KIZ: variants seen among roughly 807,000 people sequenced by gnomAD.
KIZ encodes the protein centrosomal protein kizuna.
A neutral mutation model predicts 79.6 loss-of-function variants in KIZ; 68 were observed. The ratio of observed to expected loss-of-function variants is 0.85; its 90% CI spans 0.70 to 1.05. KIZ has a LOEUF of 1.05. Among genes scored for constraint, KIZ ranks in the 50% least tolerant of loss-of-function variants. The pLI, the probability that KIZ is intolerant of heterozygous loss-of-function variation, is 0.00. For synonymous variants in KIZ, 280 were observed against 281.8 expected (o/e 0.99, Z 0.06); for missense variants, 797 against 800.4 (o/e 1.00, Z 0.05).
At chr20:21,173,394 A>G (rs1275202901) in intron 6 of KIZ, among the ~76,000 whole-genome samples, 1 of 146,038 alleles carries the variant, frequency 6.8e-6, no homozygotes, top group African/African-American at 2.8e-5. Flanking sequence ...CCTGGCCAAC[A>G]TGGTGAAACC....
intron 1 of KIZ, among the ~76,000 whole-genome samples, chr20:21,128,769 G>T (rs551745195): frequency 2.0e-5 from 3 of 152,256 alleles, no homozygotes; most frequent in Admixed American, 1.3e-4. Flanking sequence ...TTTTAAAAGG[G>T]CCCATTAGCC....
At chr20:21,156,585 CTT>C (rs1333129169) in intron 4 of KIZ, among the ~76,000 whole-genome samples, 3 of 152,016 alleles carry the variant, frequency 2.0e-5, no homozygotes, top group African/African-American at 7.2e-5. Context: ...TAATAAATGA[CTT>C]TGTTACTGGC....
chr20:21,179,215 T>G (rs1391086200), intron 6 of KIZ, among the ~76,000 whole-genome samples: 7 of 150,924 alleles, frequency 4.6e-5, no homozygotes, highest in East Asian at 1.9e-4. Context: ...TTTTGTTTTT[T>G]TTTTTTTTTT....
At chr20:21,242,031 C>G (rs576946170) in intron 11 of KIZ, among the ~76,000 whole-genome samples, 1 of 152,232 alleles carries the variant, frequency 6.6e-6, no homozygotes, top group South Asian at 2.1e-4. Context: ...TAGTGAAGTT[C>G]GCTTGTTCAT....
chr20:21,200,640 C>A (rs972527127), intron 6 of KIZ, among the ~76,000 whole-genome samples: 8 of 151,986 alleles, frequency 5.3e-5, no homozygotes, highest in African/African-American at 1.5e-4. Context: ...AATGCTCCCC[C>A]TGATCTGACA....
intron 7 of KIZ, 27 bp downstream of exon 7, chr20:21,205,611 TC>T: frequency 2.0e-6 from 2 of 997,580 alleles, no homozygotes; most frequent in Admixed American, 2.2e-5. Context: ...TCTGAAGTTT[TC>T]CCAATCACAA....
intron 4 of KIZ, among the ~76,000 whole-genome samples, chr20:21,155,680 T>C (rs2033346829): frequency 6.6e-6 from 1 of 152,358 alleles, no homozygotes; most frequent in South Asian, 2.1e-4. Flanking sequence ...ATAAGTTTTA[T>C]GGTATGTGAA....
chr20:21,162,320 G>A lies in KIZ; in HGVS notation c.855G>A (p.Glu285=). The A allele has an allele frequency of 6.2e-7, 1 of 1,613,898 alleles. No individual in the cohort carries two copies. The highest frequency in any genetic ancestry group is 8.5e-7 in the Non-Finnish European group (1 of 1,179,810). The change falls in exon 5 of 13, where the codon GAG becomes GAA. Residue 285 remains glutamate, a synonymous_variant. Transcript: ENST00000619189. The part of the protein sequence containing the change: ...NSPLRERLSP[E]NRTTDLKCDS... ...CGTTACGGGAAAGATTAAGTCCAGAGAACAGAACCACTGATTTAAAGTGTG... is the reference window on the plus strand; with the variant it reads ...CGTTACGGGAAAGATTAAGTCCAGAAAACAGAACCACTGATTTAAAGTGTG...
At chr20:21,166,432 G>T (rs186387327) in intron 6 of KIZ, 35 of 1,592,604 alleles carry the variant, frequency 2.2e-5, no homozygotes, top group Non-Finnish European at 2.9e-5. Context: ...CAGCTCTGTG[G>T]TCATCAATGA....
chr20:21,164,902 C>T (rs1183682718), intron 6 of KIZ, among the ~76,000 whole-genome samples: 3 of 152,016 alleles, frequency 2.0e-5, no homozygotes, highest in East Asian at 3.9e-4. Context: ...CAAATTTGAG[C>T]CTACTGATTT....
At chr20:21,153,385 G>A (rs772073570) in intron 4 of KIZ, among the ~76,000 whole-genome samples, 1 of 152,100 alleles carries the variant, frequency 6.6e-6, no homozygotes, top group Non-Finnish European at 1.5e-5. Flanking sequence ...AATTCGTAAA[G>A]ATTGATTTTG....
chr20:21,230,357 A>C (rs891254121), intron 10 of KIZ, among the ~76,000 whole-genome samples: 2 of 152,198 alleles, frequency 1.3e-5, no homozygotes, highest in African/African-American at 4.8e-5. Flanking sequence ...TTCCTATACT[A>C]CCAGCTATTT....
At chr20:21,200,920 C>T (rs961543961) in intron 6 of KIZ, among the ~76,000 whole-genome samples, 3 of 152,166 alleles carry the variant, frequency 2.0e-5, no homozygotes, top group Non-Finnish European at 2.9e-5. Flanking sequence ...TGGCTAACGC[C>T]TGTAATACCA....
At chr20:21,200,127 A>T (rs1600519603) in intron 6 of KIZ, among the ~76,000 whole-genome samples, 1 of 152,170 alleles carries the variant, frequency 6.6e-6, no homozygotes, top group South Asian at 2.1e-4. Flanking sequence ...GCCTAGTGTC[A>T]TAGAATTCTA....
At chr20:21,133,198 T>A (rs969170755) in intron 2 of KIZ, 4 of 152,236 alleles carry the variant, frequency 2.6e-5, no homozygotes, top group African/African-American at 9.7e-5. Context: ...AATTACCTAT[T>A]AGGTCAGTTC....
chr20:21,133,007 A>G (rs937543542), intron 2 of KIZ: 1 of 152,214 alleles, frequency 6.6e-6, no homozygotes, highest in African/African-American at 2.4e-5. Flanking sequence ...TTTAATTTCT[A>G]TTTTATAAAA....
chr20:21,214,578 G>T lies in KIZ; in HGVS notation c.1490G>T (p.Arg497Leu), dbSNP rs763856883. Residue 497 changes from arginine (R) to leucine (L), a missense_variant, in exon 8 of 13, where the codon CGT becomes CTT. Transcript: ENST00000619189. Reference protein sequence around the residue: ...LRKALTEECGRRSAIHSSESS... With the variant: ...LRKALTEECGLRSAIHSSESS... ...AAAGCCCTTACAGAAGAGTGTGGCC[G>T]TAGGTCAGCTATTCACAGTAGTGAA... The T allele has an allele frequency of 3.7e-6, 6 of 1,613,058 alleles. No individual in the cohort carries two copies. The highest frequency in any genetic ancestry group is 5.1e-6 in the Non-Finnish European group (6 of 1,179,280).
intron 9 of KIZ, among the ~76,000 whole-genome samples, chr20:21,221,821 TG>T (rs2036510752): frequency 6.6e-6 from 1 of 152,192 alleles, no homozygotes; most frequent in Admixed American, 6.5e-5. Flanking sequence ...GGATTTATCC[TG>T]GGAGGAAAGA....
intron 6 of KIZ, chr20:21,194,504 T>A (rs1055126903): frequency 6.6e-6 from 1 of 152,230 alleles, no homozygotes; most frequent in Non-Finnish European, 1.5e-5. Context: ...CTGATGAATA[T>A]TTTATAAACT....
Sources: gnomAD v4.1 joint callset for allele counts (sites outside exome capture counted in the v4.1 genomes callset) on GRCh38, gnomAD v4.1.1 for gene constraint, MANE v1.5 for transcripts, NCBI Gene and HGNC (gene_info 2026-07-23, HGNC 2026-07-21) for gene names.